The following INO80 variants were observed in gnomAD, a reference collection of about 807,000 sequenced individuals.
The protein encoded by INO80 is INO80 complex ATPase subunit.
A neutral mutation model predicts 203.4 loss-of-function variants in INO80; 20 were observed. That is an observed-to-expected ratio of 0.10 (90% CI 0.07 to 0.14). The LOEUF (loss-of-function observed/expected upper bound fraction) is 0.14. Among genes scored for constraint, INO80 ranks in the 10% least tolerant of loss-of-function variants. The pLI is 1.00. For synonymous variants in INO80, 726 were observed against 685.2 expected (o/e 1.06, Z -0.93); for missense variants, 1,419 against 1,914.4 (o/e 0.74, Z 4.83).
At chr15:40,998,347 A>C (rs1479670535) in intron 28 of INO80, among the ~76,000 whole-genome samples, 2 of 152,094 alleles carry the variant, frequency 1.3e-5, no homozygotes, top group African/African-American at 4.8e-5. Context: ...AAGATGAAGA[A>C]AGTTGAGTCC....
intron 8 of INO80, 149 bp downstream of exon 8, chr15:41,080,871 A>G (rs967560990): frequency 3.2e-6 from 2 of 615,496 alleles, no homozygotes; most frequent in Non-Finnish European, 5.8e-6. Flanking sequence ...TAAAAAATAA[A>G]CAGCTTGAGA....
At chr15:40,997,962 T>C (rs1325118255) in intron 28 of INO80, among the ~76,000 whole-genome samples, 2 of 151,712 alleles carry the variant, frequency 1.3e-5, no homozygotes, top group Admixed American at 6.6e-5. Flanking sequence ...TGGTTTTCTC[T>C]AAGAATCATG....
At position 41,091,724 on chromosome 15, in the gene INO80, G is replaced by A. The variant is rs556325958; in HGVS notation, c.537+303C>T. 2.8e-3 allele frequency among the ~76,000 whole-genome samples: 402 copies of A among 145,282 alleles called. 3 individuals are homozygous for A. The highest frequency in any genetic ancestry group is 0.013 in the South Asian group (61 of 4,612). On this transcript the variant is annotated intron_variant, in intron 5 of 35. Transcript: ENST00000648947. ...GGCTGGAGTGCAGTGCTGTGATCTC[G>A]GCTCACTGCAACCTCCGCCTCTGGG... is the stretch of plus-strand genomic sequence containing the variant.
chr15:41,079,646 C>T (rs2045456060), intron 9 of INO80, 55 bp downstream of exon 9: 7 of 1,460,330 alleles, frequency 4.8e-6, no homozygotes, highest in Non-Finnish European at 6.7e-6. Context: ...GCAAACGAAT[C>T]TCTTCAAATG....
At chr15:41,008,556 A>G (rs940475719) in intron 27 of INO80, among the ~76,000 whole-genome samples, 3 of 152,218 alleles carry the variant, frequency 2.0e-5, no homozygotes, top group Non-Finnish European at 4.4e-5. Flanking sequence ...GAACTCTTCT[A>G]AGAGAGACAA....
chr15:41,023,802 A>C lies in INO80; in HGVS notation c.3049-2677T>G, dbSNP rs1386581365. On this transcript the variant is annotated intron_variant, in intron 25 of 35. Coordinates refer to ENST00000648947, the MANE Select transcript of INO80 (RefSeq NM_017553.3). ...AAAAAAACAAAACAAAACGAAAAAA[A>C]GAAACAAAAAAAAACAACAAAAAAA... Among the ~76,000 whole-genome samples the C allele has an allele frequency of 4.0e-5, 6 of 149,362 alleles. No individual in the cohort carries two copies. In the South Asian group the frequency reaches 8.4e-4, roughly 21 times the overall value.
intron 14 of INO80, among the ~76,000 whole-genome samples, chr15:41,065,988 C>CTTTT (rs1175524125): frequency 7.9e-6 from 1 of 127,284 alleles, no homozygotes; most frequent in Non-Finnish European, 1.7e-5. Flanking sequence ...CTACATTGTA[C>CTTTT]TTTTTTTTTT....
In INO80 at chr15:41,053,180, A is replaced by G. The variant is rs553649872; in HGVS notation, c.2274+749T>C. Among the ~76,000 whole-genome samples the G allele has an allele frequency of 1.3e-3, 194 of 152,200 alleles. 1 individual carries two copies. Among genetic ancestry groups the G allele is most frequent in the African/African-American group, 4.5e-3 (187 of 41,526 alleles). On this transcript the variant is annotated intron_variant, in intron 19 of 35. Coordinates refer to ENST00000648947, the MANE Select transcript of INO80 (RefSeq NM_017553.3). ...GAGTGCAGTGGCACAATTTTGGCTCACTGCAAGCTCCGCCTCCCAGATTCA... is the reference window on the plus strand; with the variant it reads ...GAGTGCAGTGGCACAATTTTGGCTCGCTGCAAGCTCCGCCTCCCAGATTCA...
In INO80 at chr15:40,991,620, T is replaced by A. The variant is rs188521331; in HGVS notation, c.3571-3646A>T. 2.7e-3 allele frequency among the ~76,000 whole-genome samples: 410 copies of A among 151,826 alleles called. 3 individuals carry two copies. The highest frequency in any genetic ancestry group is 0.013 in the South Asian group (62 of 4,798). Reference sequence around the variant, plus strand: ...TGGCCCAGCAGTGACTAAGGAGAAATAGTAGTCAATGCCTTCATGACATTG... The same window carrying A: ...TGGCCCAGCAGTGACTAAGGAGAAAAAGTAGTCAATGCCTTCATGACATTG... On this transcript the variant is annotated intron_variant, in intron 29 of 35. Coordinates refer to ENST00000648947, the MANE Select transcript of INO80 (RefSeq NM_017553.3).
rs184238183 is a variant in INO80, at chr15:40,991,593, C to T, written c.3571-3619G>A. ...GATTAAGGCAAGTCAATCCACAAAG[C>T]GTGGCCCAGCAGTGACTAAGGAGAA... On this transcript the variant is annotated intron_variant, in intron 29 of 35. Coordinates refer to ENST00000648947, the MANE Select transcript of INO80 (RefSeq NM_017553.3). 3.9e-5 allele frequency among the ~76,000 whole-genome samples: 6 copies of T among 152,096 alleles called. No individual in the cohort carries two copies. In the South Asian group the frequency reaches 6.2e-4, roughly 16 times the overall value.
At chr15:41,071,781 A>G in intron 12 of INO80, 68 bp downstream of exon 12, 2 of 1,390,486 alleles carry the variant, frequency 1.4e-6, no homozygotes, top group South Asian at 1.2e-5. Context: ...CTCATTTCAC[A>G]ATCACATTGA....
At chr15:41,091,595 C>T (rs1375101666) in intron 5 of INO80, among the ~76,000 whole-genome samples, 2 of 151,880 alleles carry the variant, frequency 1.3e-5, no homozygotes, top group Non-Finnish European at 2.9e-5. Context: ...GTTCAGCTCC[C>T]ACTTACACTC....
At chr15:41,045,115 A>G (rs2044732760) in intron 23 of INO80, 40 bp from the exon 24 acceptor site, 2 of 1,527,034 alleles carry the variant, frequency 1.3e-6, no homozygotes, top group Non-Finnish European at 1.8e-6. Context: ...TCAGTGCTCC[A>G]TGGAGGTTTG....
At chr15:41,004,550 G>A (rs868365122) in intron 28 of INO80, 1 of 152,300 alleles carries the variant, frequency 6.6e-6, no homozygotes. Context: ...GAGGAAAACT[G>A]AAGACGAAGT....
In INO80 at chr15:41,050,114, T is replaced by C; in HGVS notation, c.2275-12A>G. On this transcript the variant is annotated splice_polypyrimidine_tract_variant and intron_variant, in intron 19 of 35. Transcript: ENST00000648947. ...ATTAGAATCTCAATCTAAAAATCAA[T>C]AAGAACATTTATATTTGGAAAAGTA... 6.3e-7 allele frequency: 1 copy of C among 1,582,730 alleles called. No homozygotes were observed. Among genetic ancestry groups the C allele is most frequent in the Non-Finnish European group, 8.6e-7 (1 of 1,156,940 alleles).
Position 41,071,888 on chromosome 15 carries a change from T to A in INO80, c.1566A>T (p.Gln522His). The A allele has an allele frequency of 6.2e-7, 1 of 1,614,084 alleles. No homozygotes were observed. The highest frequency in any genetic ancestry group is 8.5e-7 in the Non-Finnish European group (1 of 1,179,976). ...TIFNGKLKGYQLKGMNWLANL... is the reference protein window; with the variant it reads ...TIFNGKLKGYHLKGMNWLANL... ...TGGCCAACCAATTCATGCCTTTCAG[T>A]TGATAACCTTTCAATTTGCCATTAA... The change falls in exon 12 of 36, where the codon CAA (glutamine) becomes CAT (histidine). Residue 522 changes from glutamine (Q) to histidine (H), a missense_variant. Physicochemically the swap from Gln to His is conservative, Grantham distance 24. This residue lies in a region of INO80 where 192 missense variants were observed against 406.7 expected (regional missense o/e 0.47). Coordinates refer to ENST00000648947, the MANE Select transcript of INO80 (RefSeq NM_017553.3).
intron 1 of INO80, among the ~76,000 whole-genome samples, chr15:41,101,969 A>G (rs2045815150): frequency 6.6e-6 from 1 of 151,406 alleles, no homozygotes; most frequent in South Asian, 2.1e-4. Context: ...AGACGAGCAG[A>G]TTACAAGGTC....
intron 14 of INO80, among the ~76,000 whole-genome samples, chr15:41,066,519 T>C (rs965791630): frequency 6.6e-6 from 1 of 151,512 alleles, no homozygotes. Context: ...ATAAAAAATA[T>C]ATTGGGGCAC....
Position 40,982,981 on chromosome 15 carries a change from C to T in INO80, c.4334G>A (p.Gly1445Glu), listed in dbSNP as rs1181523446. The change falls in exon 35 of 36, where the codon GGG (glycine) becomes GAG (glutamate). Residue 1445 changes from glycine to glutamate, a missense_variant. Gly to Glu is a moderately conservative substitution (Grantham distance 98). Around this residue, in one of 9 missense-constraint regions of INO80, gnomAD observed 214 missense variants for 248.9 expected, o/e 0.86. Transcript: ENST00000648947. ...KGSGSTAKGA[G>E]KGRSRKSTAG... The stretch of plus-strand genomic sequence containing the variant: ...CGTGGACTTTCGGCTCCGGCCCTTC[C>T]CTGCTCCTTTGGCTGTGCTTCCTGA... The T allele has an allele frequency of 6.2e-7, 1 of 1,614,206 alleles. No homozygotes were observed. The highest frequency in any genetic ancestry group is 2.2e-5 in the East Asian group (1 of 44,884).
Sources: gnomAD v4.1 joint callset for allele counts (sites outside exome capture counted in the v4.1 genomes callset) on GRCh38, gnomAD v4.1.1 for gene constraint, gnomAD v4.1.1 regional missense constraint, MANE v1.5 for transcripts, NCBI Gene and HGNC (gene_info 2026-07-23, HGNC 2026-07-21) for gene names.